Variants in LHFPL3 observed in about 807,000 individuals in gnomAD.
The protein encoded by LHFPL3 is LHFPL tetraspan subfamily member 3, also known as LHFPL tetraspan subfamily member 3 protein.
In LHFPL3, 5 loss-of-function variants were observed where a neutral mutation model predicts 19.3. The ratio of observed to expected loss-of-function variants is 0.26; its 90% confidence interval spans 0.14 to 0.54. LHFPL3 has a LOEUF of 0.54. Among genes scored for constraint, LHFPL3 ranks in the 20% least tolerant of loss-of-function variants. The pLI is 0.94. For missense variants in LHFPL3, 249 were observed against 307.4 expected, an observed-to-expected ratio of 0.81 and a Z score of 1.42; for synonymous variants, 133 against 126.2, an observed-to-expected ratio of 1.05 and a Z score of -0.36.
intron 2 of LHFPL3, among the ~76,000 whole-genome samples, chr7:104,784,476 T>C (rs892700227): frequency 6.6e-6 from 1 of 152,210 alleles, no homozygotes; most frequent in African/African-American, 2.4e-5. Context: ...AGTTATTATT[T>C]CTATTCTTTC....
intron 1 of LHFPL3, among the ~76,000 whole-genome samples, chr7:104,454,718 A>G (rs1049519184): frequency 1.3e-5 from 2 of 152,134 alleles, no homozygotes; most frequent in African/African-American, 4.8e-5. Flanking sequence ...CTCCCATAGA[A>G]TGAGCTCCAT....
chr7:104,745,391 A>G (rs941842173), intron 2 of LHFPL3, among the ~76,000 whole-genome samples: 3 of 152,278 alleles, frequency 2.0e-5, no homozygotes, highest in African/African-American at 7.2e-5. Flanking sequence ...GGAATTTTAC[A>G]TGAGAAAAAC....
intron 2 of LHFPL3, among the ~76,000 whole-genome samples, chr7:104,777,022 C>T (rs1794646836): frequency 6.6e-6 from 1 of 152,186 alleles, no homozygotes. Context: ...ATCTGGAGGG[C>T]ACAGTCCTAT....
At chr7:104,624,866 G>A (rs1340525875) in intron 1 of LHFPL3, among the ~76,000 whole-genome samples, 1 of 152,206 alleles carries the variant, frequency 6.6e-6, no homozygotes, top group Non-Finnish European at 1.5e-5. Context: ...TATCTCCAGA[G>A]AATTTATTAA....
intron 2 of LHFPL3, among the ~76,000 whole-genome samples, chr7:104,773,084 A>G (rs1794580248): frequency 6.6e-6 from 1 of 152,206 alleles, no homozygotes; most frequent in Non-Finnish European, 1.5e-5. Flanking sequence ...ATGGGATCAC[A>G]GCTGCTTGAA....
intron 1 of LHFPL3, among the ~76,000 whole-genome samples, chr7:104,501,121 G>A (rs1419469893): frequency 6.6e-6 from 1 of 151,982 alleles, no homozygotes; most frequent in African/African-American, 2.4e-5. Context: ...CTCAATAAAT[G>A]TTTATTGATT....
chr7:104,591,511 T>A (rs919968488), intron 1 of LHFPL3, among the ~76,000 whole-genome samples: 3 of 152,210 alleles, frequency 2.0e-5, no homozygotes, highest in Admixed American at 1.3e-4. Flanking sequence ...CTTCCCTTTG[T>A]GGGTAACCCG....
intron 1 of LHFPL3, among the ~76,000 whole-genome samples, chr7:104,727,209 C>T (rs747342451): frequency 6.6e-6 from 1 of 152,010 alleles, no homozygotes; most frequent in Non-Finnish European, 1.5e-5. Context: ...TAAAGTCCCT[C>T]GTAGATTCTA....
At position 104,508,045 on chromosome 7, in the gene LHFPL3, G is replaced by C. The variant is rs1409567568; in HGVS notation, c.445+178821G>C. Reference sequence around the variant, plus strand: ...ACTAGTTCAACCATTGTGGAAGTCAGTGTGGTGATTCCTCAGGGATCTAGA... The same window carrying C: ...ACTAGTTCAACCATTGTGGAAGTCACTGTGGTGATTCCTCAGGGATCTAGA... On this transcript the variant is annotated intron_variant, in intron 1 of 2. Transcript: ENST00000424859. 5.8e-3 allele frequency among the ~76,000 whole-genome samples: 861 copies of C among 148,570 alleles called. 3 individuals carry two copies. Among genetic ancestry groups the C allele is most frequent in the African/African-American group, 0.02 (801 of 40,206 alleles).
chr7:104,884,190 G>A (rs1446872313), intron 2 of LHFPL3, among the ~76,000 whole-genome samples: 1 of 152,172 alleles, frequency 6.6e-6, no homozygotes, highest in Non-Finnish European at 1.5e-5. Flanking sequence ...GGGTTGTAGG[G>A]TGGGTTCAAG....
At chr7:104,614,687 CT>C (rs1160659818) in intron 1 of LHFPL3, among the ~76,000 whole-genome samples, 2,399 of 102,784 alleles carry the variant, frequency 0.023, 112 homozygotes, top group African/African-American at 0.03. Context: ...TTCCTTCTTT[CT>C]TTCTTTCTTT....
intron 1 of LHFPL3, among the ~76,000 whole-genome samples, chr7:104,489,979 C>G (rs374259144): frequency 6.6e-6 from 1 of 152,132 alleles, no homozygotes; most frequent in Non-Finnish European, 1.5e-5. Context: ...CTGATATGTG[C>G]TTATCAGCAT....
At chr7:104,881,186 A>G (rs10239563) in intron 2 of LHFPL3, among the ~76,000 whole-genome samples, 9,549 of 151,316 alleles carry the variant, frequency 0.063, 817 homozygotes, top group East Asian at 0.44. Context: ...AAAAAAAAAA[A>G]AAAGAAATAC....
intron 1 of LHFPL3, among the ~76,000 whole-genome samples, chr7:104,549,756 T>A (rs896317602): frequency 1.3e-5 from 2 of 152,148 alleles, no homozygotes; most frequent in Non-Finnish European, 2.9e-5. Flanking sequence ...ATAATTCAAC[T>A]TATTATGTTG....
At chr7:104,824,829 AATTATAT>A (rs1423564579) in intron 2 of LHFPL3, among the ~76,000 whole-genome samples, 34 of 128,456 alleles carry the variant, frequency 2.6e-4, no homozygotes, top group South Asian at 8.8e-4. Flanking sequence ...TATATTATAT[AATTATAT>A]ATTATATATT....
chr7:104,518,797 T>TGATAGATA (rs56373754), intron 1 of LHFPL3, among the ~76,000 whole-genome samples: 6,795 of 138,568 alleles, frequency 0.049, 171 homozygotes, highest in East Asian at 0.073. Context: ...AATAAATAGA[T>TGATAGATA]GATAGATAGA....
At chr7:104,764,035 A>C (rs979315581) in intron 2 of LHFPL3, among the ~76,000 whole-genome samples, 5 of 152,156 alleles carry the variant, frequency 3.3e-5, no homozygotes, top group African/African-American at 1.2e-4. Context: ...AGCTCTCTTC[A>C]ACCTACTTCA....
intron 1 of LHFPL3, among the ~76,000 whole-genome samples, chr7:104,666,687 A>G (rs1792359818): frequency 6.7e-6 from 1 of 149,498 alleles, no homozygotes; most frequent in Non-Finnish European, 1.5e-5. Context: ...ACGCCCGGCT[A>G]ATTTTTTGTA....
At chr7:104,755,346 C>G (rs1794262222) in intron 2 of LHFPL3, among the ~76,000 whole-genome samples, 1 of 152,128 alleles carries the variant, frequency 6.6e-6, no homozygotes, top group Admixed American at 6.5e-5. Flanking sequence ...AATGACACAA[C>G]AAAGGACATG....
Sources: allele counts gnomAD v4.1 joint callset (sites outside exome capture counted in the v4.1 genomes callset), GRCh38; gene constraint gnomAD v4.1.1; transcripts MANE v1.5; gene names NCBI Gene and HGNC (gene_info 2026-07-23, HGNC 2026-07-21).